The following GABRA5 variants were observed in gnomAD, a reference collection of about 807,000 sequenced individuals.
GABRA5 encodes the protein gamma-aminobutyric acid receptor subunit alpha-5.
In GABRA5, 18 loss-of-function variants were observed where a neutral mutation model predicts 47.3. The observed-to-expected ratio is 0.38, with a 90% CI of 0.26 to 0.56. The LOEUF is 0.56. GABRA5 is among the 20% of genes least tolerant of loss of function. GABRA5 has a pLI of 0.71. For missense variants in GABRA5, 365 were observed against 599.3 expected (o/e 0.61, Z 4.08); for synonymous variants, 237 against 229.3 (o/e 1.03, Z -0.30).
chr15:26,919,172 C>T (rs976443616), intron 7 of GABRA5, among the ~76,000 whole-genome samples: 4 of 151,978 alleles, frequency 2.6e-5, no homozygotes, highest in African/African-American at 9.7e-5. Flanking sequence ...AAAAAAGAGT[C>T]GGATCTTGTT....
intron 6 of GABRA5, among the ~76,000 whole-genome samples, chr15:26,902,414 G>A (rs1893349351): frequency 6.6e-6 from 1 of 151,924 alleles, no homozygotes; most frequent in South Asian, 2.1e-4. Context: ...CTTGTATTGT[G>A]TCTTTAAAAT....
chr15:26,929,760 G>GCAGGT (rs1359338610), intron 7 of GABRA5, among the ~76,000 whole-genome samples: 3 of 152,164 alleles, frequency 2.0e-5, no homozygotes, highest in Admixed American at 1.3e-4. Flanking sequence ...TCAGGGCAGG[G>GCAGGT]CAGGGCGCCT....
intron 6 of GABRA5, among the ~76,000 whole-genome samples, chr15:26,885,578 G>T (rs955146752): frequency 6.6e-6 from 1 of 152,142 alleles, no homozygotes; most frequent in Non-Finnish European, 1.5e-5. Flanking sequence ...GTCTTTCCTC[G>T]CATTGATCTT....
intron 3 of GABRA5, among the ~76,000 whole-genome samples, chr15:26,872,238 A>G (rs1442271012): frequency 1.3e-5 from 2 of 152,154 alleles, no homozygotes; most frequent in Non-Finnish European, 2.9e-5. Flanking sequence ...AGCTACCACA[A>G]CGTGGAGCAC....
chr15:26,908,993 T>A (rs1400926935), intron 6 of GABRA5, among the ~76,000 whole-genome samples: 2 of 152,250 alleles, frequency 1.3e-5, no homozygotes. Context: ...GAGCTTCCTG[T>A]TGCTGCTTAA....
intron 6 of GABRA5, among the ~76,000 whole-genome samples, chr15:26,902,555 T>C (rs759647299): frequency 1.3e-5 from 2 of 152,174 alleles, no homozygotes; most frequent in Non-Finnish European, 2.9e-5. Context: ...ATTTTATACA[T>C]AGACGAGCAT....
intron 6 of GABRA5, among the ~76,000 whole-genome samples, chr15:26,906,127 T>TTTGTTTG (rs537347861): frequency 6.6e-6 from 1 of 151,068 alleles, no homozygotes; most frequent in Non-Finnish European, 1.5e-5. Context: ...CCATAGTGGT[T>TTTGTTTG]TTTGTTTGTT....
chr15:26,916,111 T>C (rs898713030), intron 7 of GABRA5, among the ~76,000 whole-genome samples: 3 of 152,158 alleles, frequency 2.0e-5, no homozygotes, highest in Non-Finnish European at 4.4e-5. Flanking sequence ...TGGGATATCT[T>C]TCTACTCCTT....
intron 7 of GABRA5, among the ~76,000 whole-genome samples, chr15:26,933,382 G>A (rs979499449): frequency 6.6e-6 from 1 of 152,212 alleles, no homozygotes; most frequent in African/African-American, 2.4e-5. Flanking sequence ...AGGAGCTGGT[G>A]CATTGAAGGT....
At chr15:26,929,411 C>T (rs986914192) in intron 7 of GABRA5, among the ~76,000 whole-genome samples, 3 of 152,236 alleles carry the variant, frequency 2.0e-5, no homozygotes, top group African/African-American at 7.2e-5. Flanking sequence ...CTTTGCCCTG[C>T]AGACCCATGG....
rs11639165 is a variant in GABRA5, at chr15:26,924,561, C to T, written c.580+9676C>T. Among the ~76,000 whole-genome samples the T allele has an allele frequency of 5.3e-3, 809 of 152,286 alleles. 3 individuals are homozygous for T. The highest frequency in any genetic ancestry group is 9.1e-3 in the Non-Finnish European group (620 of 68,014). On this transcript the variant is annotated intron_variant, in intron 7 of 10. Coordinates refer to ENST00000335625, the MANE Select transcript of GABRA5 (RefSeq NM_000810.4). ...TTTACTACCATTAGGGGACGGGCCT[C>T]ATTGCAGCTTGGCAGGAATCAACGT...
At chr15:26,891,191 C>T (rs1477339767) in intron 6 of GABRA5, among the ~76,000 whole-genome samples, 1 of 152,208 alleles carries the variant, frequency 6.6e-6, no homozygotes, top group Admixed American at 6.5e-5. Context: ...ACCACATCAC[C>T]CTTTGCAAAT....
At chr15:26,900,710 T>C (rs1893307250) in intron 6 of GABRA5, among the ~76,000 whole-genome samples, 1 of 151,974 alleles carries the variant, frequency 6.6e-6, no homozygotes, top group Non-Finnish European at 1.5e-5. Context: ...ACATCATTAT[T>C]ACCCAAAGTC....
intron 6 of GABRA5, among the ~76,000 whole-genome samples, chr15:26,894,569 C>T (rs1893132116): frequency 6.7e-6 from 1 of 148,364 alleles, no homozygotes; most frequent in Non-Finnish European, 1.5e-5. Context: ...AGCCTCTTCT[C>T]CTGGTCAAAT....
chr15:26,880,703 C>A, intron 3 of GABRA5, 143 bp from the exon 4 acceptor site: 3 of 751,080 alleles, frequency 4.0e-6, no homozygotes, highest in Non-Finnish European at 6.3e-6. Flanking sequence ...GCCAAACAAT[C>A]CCCTAGGCAC....
chr15:26,937,134 G>C, intron 7 of GABRA5, 51 bp from the exon 8 acceptor site: 2 of 1,602,756 alleles, frequency 1.2e-6, no homozygotes, highest in Non-Finnish European at 1.7e-6. Context: ...GTGTTTTCCA[G>C]GCTGGGAATG....
intron 9 of GABRA5, among the ~76,000 whole-genome samples, chr15:26,942,762 A>G (rs910024903): frequency 1.3e-5 from 2 of 152,314 alleles, no homozygotes; most frequent in East Asian, 1.9e-4. Flanking sequence ...GCAATCATCT[A>G]TCTAAGTGCA....
Position 26,926,882 on chromosome 15 carries a change from T to C in GABRA5, c.581-10303T>C, listed in dbSNP as rs74918824. On this transcript the variant is annotated intron_variant, in intron 7 of 10. Transcript: ENST00000335625. ...TAAAGAAAACTACGTGATGTCCTGA[T>C]TATTTCCTAAATTTTCATCTTTAAC... Among the ~76,000 whole-genome samples, 1,586 of 152,268 alleles carry C rather than the reference T, an allele frequency of 0.01. 109 individuals are homozygous for C. In the East Asian group the frequency reaches 0.19, roughly 18 times the overall value.
At chr15:26,893,915 C>A (rs1893106633) in intron 6 of GABRA5, among the ~76,000 whole-genome samples, 1 of 152,124 alleles carries the variant, frequency 6.6e-6, no homozygotes, top group Admixed American at 6.5e-5. Flanking sequence ...GGTCAAGGGG[C>A]AGCAGGAAAT....
Sources: allele counts gnomAD v4.1 joint callset (sites outside exome capture counted in the v4.1 genomes callset), GRCh38; gene constraint gnomAD v4.1.1; transcripts MANE v1.5; gene names NCBI Gene and HGNC (gene_info 2026-07-23, HGNC 2026-07-21).